The following ARHGAP26 variants were observed in gnomAD, a reference collection of about 807,000 sequenced individuals.
The protein encoded by ARHGAP26 is Rho GTPase activating protein 26, also known as rho GTPase-activating protein 26.
In ARHGAP26, 38 loss-of-function variants were observed where a neutral mutation model predicts 104.8. The observed-to-expected ratio is 0.36, with a 90% CI of 0.28 to 0.48. ARHGAP26 has a LOEUF of 0.48. ARHGAP26 is among the 20% of genes least tolerant of loss of function. The pLI, the probability that ARHGAP26 is intolerant of heterozygous loss-of-function variation, is 0.99. For synonymous variants in ARHGAP26, 341 were observed against 340.0 expected (o/e 1.00, Z -0.03); for missense variants, 704 against 947.9 (o/e 0.74, Z 3.38).
At chr5:143,104,393 C>T (rs1471122509) in intron 17 of ARHGAP26, among the ~76,000 whole-genome samples, 1 of 152,058 alleles carries the variant, frequency 6.6e-6, no homozygotes. Flanking sequence ...CACCTGTAAT[C>T]CCAGCTACCT....
At chr5:142,944,921 C>A (rs1287329048) in intron 11 of ARHGAP26, among the ~76,000 whole-genome samples, 1 of 152,146 alleles carries the variant, frequency 6.6e-6, no homozygotes, top group Non-Finnish European at 1.5e-5. Flanking sequence ...TGTTTTCTAG[C>A]AGCGCCGCCC....
intron 10 of ARHGAP26, among the ~76,000 whole-genome samples, chr5:142,928,394 G>A (rs1404754287): frequency 6.6e-6 from 1 of 152,114 alleles, no homozygotes; most frequent in African/African-American, 2.4e-5. Flanking sequence ...AGCGTTGTAA[G>A]CCCTCATATT....
At chr5:143,046,090 C>T (rs893677580) in intron 14 of ARHGAP26, among the ~76,000 whole-genome samples, 2 of 152,120 alleles carry the variant, frequency 1.3e-5, no homozygotes, top group African/African-American at 4.8e-5. Flanking sequence ...GCCAGGACTG[C>T]GTCATTGCAC....
chr5:142,972,842 A>G (rs1247557568), intron 11 of ARHGAP26, among the ~76,000 whole-genome samples: 2 of 149,880 alleles, frequency 1.3e-5, no homozygotes, highest in African/African-American at 2.5e-5. Context: ...TTTGTTTTCT[A>G]TCTCTGTAAA....
intron 11 of ARHGAP26, among the ~76,000 whole-genome samples, chr5:142,991,505 C>T (rs1040513022): frequency 4.6e-5 from 7 of 152,176 alleles, no homozygotes; most frequent in Non-Finnish European, 7.4e-5. Context: ...ACTACCTCAG[C>T]TGGAAATGCC....
chr5:143,121,253 A>G (rs1562464231), intron 18 of ARHGAP26, 106 bp downstream of exon 18: 2 of 1,170,430 alleles, frequency 1.7e-6, no homozygotes, highest in East Asian at 2.6e-5. Flanking sequence ...TCACTCTTAC[A>G]CTGTCATGAC....
At chr5:143,051,614 T>G (rs1201282838) in intron 14 of ARHGAP26, among the ~76,000 whole-genome samples, 1 of 152,232 alleles carries the variant, frequency 6.6e-6, no homozygotes, top group African/African-American at 2.4e-5. Context: ...CTTGGGAGGC[T>G]GTATTCAACT....
chr5:142,864,839 A>G (rs952751448), intron 1 of ARHGAP26, among the ~76,000 whole-genome samples: 6 of 152,224 alleles, frequency 3.9e-5, no homozygotes. Context: ...TAATTTGCCA[A>G]AGGCCACACA....
intron 11 of ARHGAP26, among the ~76,000 whole-genome samples, chr5:142,934,926 T>C (rs554654892): frequency 5.3e-5 from 8 of 152,316 alleles, no homozygotes; most frequent in African/African-American, 1.9e-4. Context: ...TTAAATTTAG[T>C]TTTAGCATTA....
chr5:143,014,045 A>T (rs771562231), intron 11 of ARHGAP26, 35 bp from the exon 12 acceptor site: 4 of 1,611,222 alleles, frequency 2.5e-6, no homozygotes, highest in Non-Finnish European at 3.4e-6. Flanking sequence ...GTGGCATAAA[A>T]TGCACATAAG....
chr5:143,207,095 C>A, intron 20 of ARHGAP26, 103 bp from the exon 21 acceptor site: 1 of 1,444,864 alleles, frequency 6.9e-7, no homozygotes, highest in Non-Finnish European at 9.4e-7. Context: ...CGGTGCTCCT[C>A]TGCTCTGCCC....
At chr5:143,087,053 C>T (rs1213306143) in intron 17 of ARHGAP26, among the ~76,000 whole-genome samples, 1 of 152,208 alleles carries the variant, frequency 6.6e-6, no homozygotes, top group East Asian at 1.9e-4. Context: ...TTGCCAGGGT[C>T]CTTGGCATTG....
chr5:143,025,939 T>A (rs1470163889), intron 12 of ARHGAP26, among the ~76,000 whole-genome samples: 1 of 151,788 alleles, frequency 6.6e-6, no homozygotes, highest in Non-Finnish European at 1.5e-5. Flanking sequence ...CAGCTTATTT[T>A]TCTGTGTGTT....
At chr5:143,020,757 G>A (rs958147625) in intron 12 of ARHGAP26, among the ~76,000 whole-genome samples, 3 of 148,508 alleles carry the variant, frequency 2.0e-5, no homozygotes, top group African/African-American at 7.5e-5. Context: ...TCCTGCCTCA[G>A]CCTCCCAAGT....
chr5:142,978,306 T>C (rs987073374), intron 11 of ARHGAP26, among the ~76,000 whole-genome samples: 3 of 152,158 alleles, frequency 2.0e-5, no homozygotes, highest in African/African-American at 7.2e-5. Context: ...ACTCTCTTTC[T>C]CTTGGGTGAT....
At chr5:142,902,518 C>T (rs868672360) in intron 7 of ARHGAP26, among the ~76,000 whole-genome samples, 70 of 152,358 alleles carry the variant, frequency 4.6e-4, no homozygotes, top group African/African-American at 1.4e-3. Context: ...TGCTTCGCTC[C>T]CAGTGTGGTC....
At chr5:142,902,558 T>C (rs1760513363) in intron 7 of ARHGAP26, among the ~76,000 whole-genome samples, 1 of 152,196 alleles carries the variant, frequency 6.6e-6, no homozygotes, top group Admixed American at 6.5e-5. Flanking sequence ...CACAGGACCT[T>C]TTGGTGCACA....
At chr5:143,002,326 C>G (rs930739061) in intron 11 of ARHGAP26, among the ~76,000 whole-genome samples, 1 of 141,198 alleles carries the variant, frequency 7.1e-6, no homozygotes, top group Non-Finnish European at 1.5e-5. Context: ...CACAAAAGAG[C>G]AAGGTTCTCT....
At chr5:142,997,113 G>A (rs1320991680) in intron 11 of ARHGAP26, among the ~76,000 whole-genome samples, 1 of 151,746 alleles carries the variant, frequency 6.6e-6, no homozygotes, top group Non-Finnish European at 1.5e-5. Flanking sequence ...TTATATATAT[G>A]CATTTACATA....
Sources: gnomAD v4.1 joint callset for allele counts (sites outside exome capture counted in the v4.1 genomes callset) on GRCh38, gnomAD v4.1.1 for gene constraint, MANE v1.5 for transcripts, NCBI Gene and HGNC (gene_info 2026-07-23, HGNC 2026-07-21) for gene names.